COL23A1: variants seen among roughly 807,000 people sequenced by gnomAD.
COL23A1 encodes the protein collagen type XXIII alpha 1 chain.
In COL23A1, 97 loss-of-function variants were observed where a neutral mutation model predicts 99.3. The ratio of observed to expected loss-of-function variants is 0.98; its 90% CI spans 0.83 to 1.16. The LOEUF is 1.16. Among genes scored for constraint, COL23A1 ranks in the 50% most tolerant of loss-of-function variants. The pLI is 0.00. For synonymous variants in COL23A1, 320 were observed against 308.2 expected (o/e 1.04, Z -0.40); for missense variants, 762 against 757.4 (o/e 1.01, Z -0.07).
chr5:178,250,165 G>A, intron 17 of COL23A1, 60 bp from the exon 18 acceptor site: 1 of 1,599,176 alleles, frequency 6.3e-7, no homozygotes. Context: ...GGTGTCAGCA[G>A]CCAGAGGGCC....
chr5:178,456,808 CGAA>C (rs1767824608), intron 2 of COL23A1, among the ~76,000 whole-genome samples: 1 of 151,632 alleles, frequency 6.6e-6, no homozygotes, highest in South Asian at 2.1e-4. Context: ...ACAAACGTAA[CGAA>C]GGATTGTTTT....
intron 2 of COL23A1, among the ~76,000 whole-genome samples, chr5:178,463,613 C>G (rs1581436365): frequency 1.3e-5 from 2 of 152,164 alleles, no homozygotes; most frequent in African/African-American, 4.8e-5. Context: ...GATGAGGATG[C>G]CAGGGGAGAA....
chr5:178,327,322 G>C (rs987206351), intron 2 of COL23A1, among the ~76,000 whole-genome samples: 4 of 152,178 alleles, frequency 2.6e-5, no homozygotes, highest in Non-Finnish European at 5.9e-5. Context: ...ACACGTGCAG[G>C]TGCCCTGGGT....
chr5:178,469,043 T>C (rs2546633), intron 2 of COL23A1, among the ~76,000 whole-genome samples: 122,783 of 152,144 alleles, frequency 0.81, 50,596 homozygotes, highest in Non-Finnish European at 0.9. Context: ...CTCAGCACCA[T>C]GTCCTCAAGG....
chr5:178,352,046 C>T (rs1361770482), intron 2 of COL23A1: 2 of 152,238 alleles, frequency 1.3e-5, no homozygotes, highest in Non-Finnish European at 2.9e-5. Flanking sequence ...GTTGAAACCA[C>T]CCGGTCTGTG....
intron 9 of COL23A1, among the ~76,000 whole-genome samples, chr5:178,262,478 T>C (rs533337980): frequency 6.6e-6 from 1 of 152,164 alleles, no homozygotes; most frequent in African/African-American, 2.4e-5. Context: ...ACTGAGCAGC[T>C]GTCCTGGGGG....
At chr5:178,451,122 G>C (rs1581413964) in intron 2 of COL23A1, among the ~76,000 whole-genome samples, 1 of 152,136 alleles carries the variant, frequency 6.6e-6, no homozygotes, top group African/African-American at 2.4e-5. Flanking sequence ...TGTTAAAAAA[G>C]TGGAAAAGAG....
intron 4 of COL23A1, among the ~76,000 whole-genome samples, chr5:178,289,423 A>G (rs1757331291): frequency 6.6e-6 from 1 of 152,178 alleles, no homozygotes. Flanking sequence ...CTGGCCGGCC[A>G]GGAGAAGTTC....
At chr5:178,354,072 G>A (rs188620878) in intron 2 of COL23A1, among the ~76,000 whole-genome samples, 2 of 152,238 alleles carry the variant, frequency 1.3e-5, no homozygotes, top group East Asian at 1.9e-4. Context: ...AGGCAAGGCA[G>A]TGTGGTTGCT....
At chr5:178,437,437 T>C (rs978753513) in intron 2 of COL23A1, among the ~76,000 whole-genome samples, 1 of 152,146 alleles carries the variant, frequency 6.6e-6, no homozygotes, top group Non-Finnish European at 1.5e-5. Context: ...CAGGATCTGG[T>C]CCACTTCTAT....
At chr5:178,553,692 TG>T (rs941468124) in intron 2 of COL23A1, among the ~76,000 whole-genome samples, 6 of 152,228 alleles carry the variant, frequency 3.9e-5, no homozygotes, top group Non-Finnish European at 7.3e-5. Context: ...TCTGGGCACG[TG>T]GGTGGCTGAT....
At chr5:178,386,746 C>T (rs1320061001) in intron 2 of COL23A1, among the ~76,000 whole-genome samples, 1 of 152,130 alleles carries the variant, frequency 6.6e-6, no homozygotes, top group African/African-American at 2.4e-5. Flanking sequence ...TGAGCAGACA[C>T]CATGGGCTCC....
intron 2 of COL23A1, among the ~76,000 whole-genome samples, chr5:178,531,306 CA>C (rs1169185627): frequency 1.3e-5 from 2 of 152,218 alleles, no homozygotes; most frequent in Middle Eastern, 3.2e-3. Flanking sequence ...CAGAAGATGG[CA>C]GCGACTTGCC....
intron 2 of COL23A1, among the ~76,000 whole-genome samples, chr5:178,382,528 G>A (rs1254625673): frequency 1.3e-5 from 2 of 152,178 alleles, no homozygotes; most frequent in Non-Finnish European, 1.5e-5. Flanking sequence ...GAGGGTAGGC[G>A]ACGGGGAAGA....
chr5:178,290,603 C>T (rs1757403725), intron 3 of COL23A1, among the ~76,000 whole-genome samples: 1 of 152,212 alleles, frequency 6.6e-6, no homozygotes, highest in Admixed American at 6.5e-5. Context: ...GTGACAGTTC[C>T]CACATGCATG....
At chr5:178,532,505 T>C (rs2113221642) in intron 2 of COL23A1, among the ~76,000 whole-genome samples, 1 of 152,214 alleles carries the variant, frequency 6.6e-6, no homozygotes, top group Admixed American at 6.5e-5. Flanking sequence ...CATCTGCACC[T>C]GGCACTTCAC....
chr5:178,272,095 C>T (rs560184781), intron 5 of COL23A1, among the ~76,000 whole-genome samples: 7 of 152,354 alleles, frequency 4.6e-5, no homozygotes, highest in African/African-American at 1.7e-4. Flanking sequence ...AGCTCTCTGG[C>T]TTCCTTTCCA....
chr5:178,301,175 C>T (rs1417995360), intron 3 of COL23A1, among the ~76,000 whole-genome samples: 1 of 152,102 alleles, frequency 6.6e-6, no homozygotes, highest in Non-Finnish European at 1.5e-5. Context: ...TGCAAGTTTG[C>T]TGATTCTTTC....
intron 2 of COL23A1, among the ~76,000 whole-genome samples, chr5:178,475,906 G>A (rs920072154): frequency 2.0e-5 from 3 of 152,172 alleles, no homozygotes; most frequent in Admixed American, 6.5e-5. Flanking sequence ...CTAATTCTTC[G>A]AATTCCTTGG....
Sources: gnomAD v4.1 joint callset for allele counts (sites outside exome capture counted in the v4.1 genomes callset) on GRCh38, gnomAD v4.1.1 for gene constraint, MANE v1.5 for transcripts, NCBI Gene and HGNC (gene_info 2026-07-23, HGNC 2026-07-21) for gene names.